RNF157: variants seen among roughly 807,000 people sequenced by gnomAD.
RNF157 encodes the protein ring finger protein 157.
Under a neutral mutation model 88.3 loss-of-function variants are expected in RNF157, and 55 were observed. The observed-to-expected ratio is 0.62, with a 90% confidence interval of 0.50 to 0.78. The LOEUF (loss-of-function observed/expected upper bound fraction) is 0.78, where lower values mean the gene tolerates loss of function less well. RNF157 is among the 30% of genes least tolerant of loss of function. The pLI, the probability that RNF157 is intolerant of heterozygous loss-of-function variation, is 0.00. For missense variants in RNF157, 788 were observed against 860.8 expected (o/e 0.92, Z 1.06); for synonymous variants, 334 against 341.2 (o/e 0.98, Z 0.23).
At chr17:76,183,168 C>T (rs763321650) in intron 2 of RNF157, among the ~76,000 whole-genome samples, 3 of 149,486 alleles carry the variant, frequency 2.0e-5, no homozygotes, top group Non-Finnish European at 3.0e-5. Context: ...AACTCCTGAC[C>T]TCAGGCGATC....
intron 1 of RNF157, among the ~76,000 whole-genome samples, chr17:76,230,070 T>C (rs1048191509): frequency 2.6e-5 from 4 of 152,176 alleles, no homozygotes; most frequent in Non-Finnish European, 4.4e-5. Flanking sequence ...TGAATGGATT[T>C]TTTTGGAGAA....
At chr17:76,175,792 C>T in intron 2 of RNF157, 1 of 985,204 alleles carries the variant, frequency 1.0e-6, no homozygotes, top group Non-Finnish European at 1.2e-6. Context: ...ATTCTTTACT[C>T]TTTCTCCTCC....
chr17:76,178,601 A>G (rs1341995007), intron 2 of RNF157, among the ~76,000 whole-genome samples: 1 of 152,258 alleles, frequency 6.6e-6, no homozygotes, highest in African/African-American at 2.4e-5. Flanking sequence ...CACTGGCCAC[A>G]GGTTTCCAGC....
At chr17:76,152,552 G>GA in intron 17 of RNF157, 87 bp from the exon 18 acceptor site, 1 of 777,464 alleles carries the variant, frequency 1.3e-6, no homozygotes, top group Non-Finnish European at 2.2e-6. Context: ...TAAGGATGGA[G>GA]ACAAAAAAAA....
intron 1 of RNF157, among the ~76,000 whole-genome samples, chr17:76,236,622 T>G (rs1047160226): frequency 2.6e-5 from 4 of 152,232 alleles, no homozygotes; most frequent in African/African-American, 9.6e-5. Context: ...ATGATTAATA[T>G]TCACACAATT....
Position 76,156,214 on chromosome 17 carries a change from T to C in RNF157, c.1521A>G (p.Pro507=). The C allele has an allele frequency of 6.2e-6, 10 of 1,612,476 alleles. No homozygotes were observed. Among genetic ancestry groups the C allele is most frequent in the Non-Finnish European group, 8.5e-6 (10 of 1,178,530 alleles). ...GTPLSSTISS[P]EGPASSSLAQ... ...CACTCCCCGCTCCTTATGTACCTTC[T>C]GGGGAGGAAATAGTGGATGACAGAG... is the stretch of plus-strand genomic sequence containing the variant. Residue 507 remains proline (P), a synonymous_variant, in exon 14 of 19, where the codon CCA becomes CCG. Coordinates refer to ENST00000269391, the MANE Select transcript of RNF157 (RefSeq NM_052916.3).
Position 76,146,378 on chromosome 17 carries a change from T to C in RNF157, c.1922-1025A>G, listed in dbSNP as rs2068585669. The C allele has an allele frequency of 3.0e-6, 3 of 985,592 alleles. No individual in the cohort carries two copies. The highest frequency in any genetic ancestry group is 3.6e-6 in the Non-Finnish European group (3 of 830,044). 61.1% of individuals were successfully genotyped at this position (985,592 alleles called of 1,614,324 possible). A position where few individuals can be genotyped will look rare whatever the true frequency, so the allele number is the denominator to read the frequency against. On this transcript the variant is annotated intron_variant, in intron 18 of 18. Coordinates refer to ENST00000269391, the MANE Select transcript of RNF157 (RefSeq NM_052916.3). This position sits in a 1 kb window ranked among gnomAD's most constrained non-coding sequence, Gnocchi z 4.2. ...CTAGAATAGCCTGTGCTCAGGCTCC[T>C]CCAGGCCATCTCGCCTCTCCCCTGG...
At chr17:76,194,851 T>TA (rs1341034848) in intron 2 of RNF157, among the ~76,000 whole-genome samples, 1 of 151,956 alleles carries the variant, frequency 6.6e-6, no homozygotes, top group Admixed American at 6.6e-5. Flanking sequence ...CCGTCTCTAC[T>TA]AAAAATACAA....
At chr17:76,204,905 C>A (rs1392215439) in intron 2 of RNF157, among the ~76,000 whole-genome samples, 2 of 151,780 alleles carry the variant, frequency 1.3e-5, no homozygotes, top group Non-Finnish European at 2.9e-5. Context: ...CTGCCTCAGC[C>A]TCCTGAGTAG....
intron 2 of RNF157, among the ~76,000 whole-genome samples, chr17:76,201,961 G>C (rs2069586415): frequency 6.6e-6 from 1 of 151,992 alleles, no homozygotes; most frequent in Admixed American, 6.6e-5. Flanking sequence ...GAGATTCGGA[G>C]AGGTGAAACA....
intron 2 of RNF157, among the ~76,000 whole-genome samples, chr17:76,192,618 T>G (rs2069405764): frequency 6.6e-6 from 1 of 152,158 alleles, no homozygotes; most frequent in Admixed American, 6.5e-5. Flanking sequence ...CTGGTACAAT[T>G]AATGCTCACA....
intron 2 of RNF157, among the ~76,000 whole-genome samples, chr17:76,205,467 G>A (rs996471240): frequency 4.6e-5 from 7 of 152,004 alleles, no homozygotes; most frequent in African/African-American, 1.4e-4. Flanking sequence ...GCGGCTGAGC[G>A]CAGTGGCTCA....
rs1350025760 is a variant in RNF157, at chr17:76,143,984, T to TG, written c.*1250dup. 3 of 152,184 alleles carry TG rather than the reference T, an allele frequency of 2.0e-5. No homozygotes were observed. The highest frequency in any genetic ancestry group is 4.4e-5 in the Non-Finnish European group (3 of 68,086). 9.4% of individuals were successfully genotyped at this position (152,184 alleles called of 1,614,324 possible). ...CACACTGCTGCTGGCCACATGCTGC[T>TG]GCCTGAACTTAGCTCAAGGCTCTCC... On this transcript the variant is annotated 3_prime_UTR_variant, in exon 19 of 19. Coordinates refer to ENST00000269391, the MANE Select transcript of RNF157 (RefSeq NM_052916.3).
At chr17:76,198,107 G>C (rs2069507323) in intron 2 of RNF157, among the ~76,000 whole-genome samples, 1 of 152,204 alleles carries the variant, frequency 6.6e-6, no homozygotes, top group African/African-American at 2.4e-5. Context: ...GCCATTATCT[G>C]AGTATTACTC....
chr17:76,164,391 G>A (rs1053838547), intron 8 of RNF157: 3 of 170,708 alleles, frequency 1.8e-5, no homozygotes, highest in Non-Finnish European at 3.7e-5. Context: ...TTCTCACTCT[G>A]GCATTTTAAA....
Position 76,195,158 on chromosome 17 carries a change from C to G in RNF157, c.207+17206G>C, listed in dbSNP as rs1200536397. ...AAATCCCAAATGGCAGAAACATATT[C>G]ATGTCACAGAACTCCAGACAGGCTT... On this transcript the variant is annotated intron_variant, in intron 2 of 18. Transcript: ENST00000269391. This position sits in a 1 kb window ranked among gnomAD's most constrained non-coding sequence, Gnocchi z 4.4. Among the ~76,000 whole-genome samples, 3 of 152,192 alleles carry G rather than the reference C, an allele frequency of 2.0e-5. No individual in the cohort carries two copies. The highest frequency in any genetic ancestry group is 7.2e-5 in the African/African-American group (3 of 41,440).
At chr17:76,169,004 C>T (rs750444675) in intron 3 of RNF157, among the ~76,000 whole-genome samples, 6 of 152,200 alleles carry the variant, frequency 3.9e-5, no homozygotes, top group African/African-American at 9.6e-5. Flanking sequence ...TCTTTCTCAG[C>T]CACTGTGTGG....
At chr17:76,236,420 G>A (rs1568083098) in intron 1 of RNF157, among the ~76,000 whole-genome samples, 1 of 152,142 alleles carries the variant, frequency 6.6e-6, no homozygotes, top group Non-Finnish European at 1.5e-5. Flanking sequence ...TCTCCGCAAA[G>A]CCATACCTTT....
intron 2 of RNF157, among the ~76,000 whole-genome samples, chr17:76,197,739 A>G (rs2069501352): frequency 6.6e-6 from 1 of 152,138 alleles, no homozygotes; most frequent in African/African-American, 2.4e-5. Flanking sequence ...CTGCTTTGGC[A>G]GCATTTAAAG....
Sources: allele counts gnomAD v4.1 joint callset (sites outside exome capture counted in the v4.1 genomes callset), GRCh38; gene constraint gnomAD v4.1.1; non-coding constraint Gnocchi (gnomAD v3.1); transcripts MANE v1.5; gene names NCBI Gene and HGNC (gene_info 2026-07-23, HGNC 2026-07-21).